ZNF768: variants seen among roughly 807,000 people sequenced by gnomAD.
ZNF768 encodes the protein zinc finger protein 768.
Under a neutral mutation model 39.7 loss-of-function variants are expected in ZNF768, and 12 were observed. The ratio of observed to expected loss-of-function variants is 0.30; its 90% CI spans 0.19 to 0.49. The LOEUF is 0.49. ZNF768 is among the 20% of genes least tolerant of loss of function. The pLI is 0.99. For synonymous variants in ZNF768, 360 were observed against 288.4 expected, an observed-to-expected ratio of 1.25 and a Z score of -2.52; for missense variants, 613 against 723.2, an observed-to-expected ratio of 0.85 and a Z score of 1.75.
Position 30,525,161 on chromosome 16 carries a change from C to T in ZNF768, c.979G>A (p.Ala327Thr). ...YKCPRCGKAF[A>T]DSSYLLRHQR... Reference sequence around the variant, plus strand: ...TGGCGAAGCAGGTAAGAGCTGTCGGCGAAGGCCTTGCCGCAACGGGGACAT... The same window carrying T: ...TGGCGAAGCAGGTAAGAGCTGTCGGTGAAGGCCTTGCCGCAACGGGGACAT... Residue 327 changes from alanine (A) to threonine (T), a missense_variant, in exon 2 of 2, where the codon GCC becomes ACC. Coordinates refer to ENST00000380412, the MANE Select transcript of ZNF768 (RefSeq NM_024671.4). The T allele has an allele frequency of 6.2e-7, 1 of 1,604,286 alleles. No homozygotes were observed. Among genetic ancestry groups the T allele is most frequent in the Non-Finnish European group, 8.5e-7 (1 of 1,176,428 alleles).
rs201049287 is a variant in ZNF768 at position 30,524,882 on chromosome 16, C to T, written c.1258G>A (p.Ala420Thr). The stretch of plus-strand genomic sequence containing the variant: ...GGCTTCTCCCGGGCGTGGCTGCGGG[C>T]ATGGGGGATAAGGGCCGACCGCTGG... ...FSQRSALIPHARSHAREKPFK... is the reference protein window; with the variant it reads ...FSQRSALIPHTRSHAREKPFK... The change falls in exon 2 of 2, where the codon GCC becomes ACC. Residue 420 changes from alanine (A) to threonine (T), a missense_variant. Physicochemically the swap from Ala to Thr is moderately conservative, Grantham distance 58. Transcript: ENST00000380412. 28 of 1,611,790 alleles carry T rather than the reference C, an allele frequency of 1.7e-5. No homozygotes were observed. The highest frequency in any genetic ancestry group is 1.7e-4 in the Middle Eastern group (1 of 6,018).
chr16:30,527,485 C>T (rs1387026013), upstream of ZNF768: 2 of 251,434 alleles, frequency 8.0e-6, no homozygotes, highest in East Asian at 1.8e-4. Context: ...GACGGCTGGG[C>T]GTTAATGGTC....
At chr16:30,532,350 G>T in the ZNF768 span, 5 of 870,176 alleles carry the variant, frequency 5.7e-6, no homozygotes, top group Middle Eastern at 3.4e-4. Flanking sequence ...GGCAGAAGAG[G>T]CTGCTGAGAG....
chr16:30,526,217 C>T, intron 1 of ZNF768, 109 bp downstream of exon 1: 1 of 1,548,962 alleles, frequency 6.5e-7, no homozygotes, highest in South Asian at 1.2e-5. Flanking sequence ...CCGCCGGCCC[C>T]TCCTTCGAGT....
chr16:30,527,078 C>T, upstream of ZNF768: 1 of 985,422 alleles, frequency 1.0e-6, no homozygotes, highest in South Asian at 4.7e-5. Context: ...GGCGAGGCGA[C>T]AAGCGAGACC....
chr16:30,527,479 G>A (rs1444964444), upstream of ZNF768: 3 of 287,216 alleles, frequency 1.0e-5, no homozygotes, highest in Non-Finnish European at 1.6e-5. Context: ...CCCGCGGACG[G>A]CTGGGCGTTA....
At chr16:30,527,806 T>C (rs1265899924), upstream of ZNF768, 5 of 152,254 alleles carry the variant, frequency 3.3e-5, no homozygotes, top group African/African-American at 7.2e-5. Context: ...GTTGTTAGAT[T>C]TCCTCACAGG....
At position 30,525,751 on chromosome 16, in the gene ZNF768, G is replaced by A. The variant is rs1597118464; in HGVS notation, c.389C>T (p.Pro130Leu). The change falls in exon 2 of 2, where the codon CCT becomes CTT. Residue 130 changes from proline (P) to leucine (L), a missense_variant. Coordinates refer to ENST00000380412, the MANE Select transcript of ZNF768 (RefSeq NM_024671.4). ...RYEPQSPGYE[P>L]RSPGYEPRSP... is the part of the protein sequence containing the mutation. ...CCGGGGTTCATACCCGGGGCTCCGA[G>A]GTTCATAGCCAGGGCTTTGGGGTTC... 1 of 1,603,484 alleles carries A rather than the reference G, an allele frequency of 6.2e-7. No individual in the cohort carries two copies. The highest frequency in any genetic ancestry group is 1.1e-5 in the South Asian group (1 of 89,858).
Position 30,524,763 on chromosome 16 carries a change from G to A in ZNF768, c.1377C>T (p.Cys459=). The change falls in exon 2 of 2, where the codon TGC becomes TGT. Residue 459 remains cysteine (C), a synonymous_variant. Coordinates refer to ENST00000380412, the MANE Select transcript of ZNF768 (RefSeq NM_024671.4). ...RTHLPGRTYS[C]PDCGKTFNRS... is the part of the protein sequence containing the mutation. ...GATTGAAGGTCTTGCCGCAGTCGGG[G>A]CAGCTGTAGGTGCGGCCTGGCAGGT... 2 of 1,611,950 alleles carry A rather than the reference G, an allele frequency of 1.2e-6. No individual in the cohort carries two copies. The highest frequency in any genetic ancestry group is 1.3e-5 in the African/African-American group (1 of 74,920).
At chr16:30,532,160 A>G in the ZNF768 span, 2 of 353,604 alleles carry the variant, frequency 5.7e-6, no homozygotes, top group Non-Finnish European at 1.0e-5. Context: ...AAAAATTAAA[A>G]AAGTAAAAAG....
chr16:30,525,441 C>G lies in ZNF768; in HGVS notation c.699G>C (p.Gln233His). Residue 233 changes from glutamine (Q) to histidine (H), a missense_variant, in exon 2 of 2, where the codon CAG becomes CAC. By Grantham distance (24) the Gln-to-His change is conservative. Transcript: ENST00000380412. The stretch of plus-strand genomic sequence containing the variant: ...GGGCTCCTGTGAGACCCAGGGGATT[C>G]TGAAGCATCTCAAACTGCGGTGTAG... ...LLSTPQFEML[Q>H]NPLGLTGALR... 6.2e-7 allele frequency: 1 copy of G among 1,614,134 alleles called. No individual in the cohort carries two copies. The highest frequency in any genetic ancestry group is 8.5e-7 in the Non-Finnish European group (1 of 1,180,038).
chr16:30,524,339 C>T lies in ZNF768; in HGVS notation c.*178G>A. The T allele has an allele frequency of 2.7e-6, 3 of 1,116,174 alleles. No homozygotes were observed. Among genetic ancestry groups the T allele is most frequent in the Non-Finnish European group, 3.7e-6 (3 of 814,818 alleles). 69.1% of individuals were successfully genotyped at this position (1,116,174 alleles called of 1,614,324 possible). On this transcript the variant is annotated 3_prime_UTR_variant, in exon 2 of 2. Transcript: ENST00000380412. ...TCCCGCTGCCGGCCTGGCCTCCCTC[C>T]AACCCACTTCCCACAAGTCTCCAGG...
upstream of ZNF768, chr16:30,527,379 C>T (rs1221345883): frequency 1.1e-6 from 1 of 942,282 alleles, no homozygotes; most frequent in Non-Finnish European, 1.3e-6. Flanking sequence ...ACAGCCCCGC[C>T]CCGGCTCCCA....
At chr16:30,528,628 C>G (rs1463565420), upstream of ZNF768, among the ~76,000 whole-genome samples, 1 of 152,160 alleles carries the variant, frequency 6.6e-6, no homozygotes, top group Non-Finnish European at 1.5e-5. Context: ...AAACTTTCTG[C>G]CCTCCAGAGA....
At chr16:30,527,443 G>A (rs932448257), upstream of ZNF768, 9 of 493,588 alleles carry the variant, frequency 1.8e-5, no homozygotes, top group Non-Finnish European at 2.4e-5. Context: ...TGGGGCTCGT[G>A]CTCTAGCCGC....
upstream of ZNF768, chr16:30,527,479 G>T: frequency 3.5e-6 from 1 of 287,334 alleles, no homozygotes; most frequent in Non-Finnish European, 5.2e-6. Context: ...CCCGCGGACG[G>T]CTGGGCGTTA....
At chr16:30,526,719 C>T, upstream of ZNF768, 2 of 801,834 alleles carry the variant, frequency 2.5e-6, no homozygotes, top group South Asian at 5.5e-5. Context: ...GCCCCCGGCC[C>T]CCGCTCCCGC....
chr16:30,527,103 G>A (rs1597119528), upstream of ZNF768: 1 of 985,376 alleles, frequency 1.0e-6, no homozygotes, highest in South Asian at 4.7e-5. Flanking sequence ...TCAGCGAGAA[G>A]GAGCGACGCT....
rs2051325645 is a variant in ZNF768 at position 30,526,453 on chromosome 16, C to T, written c.-40G>A. ...AGTGCAGCGGCGGCGGCGATGGCGG[C>T]CGATCCCGCGACCCGGCCTCGGTTG... On this transcript the variant is annotated 5_prime_UTR_variant, in exon 1 of 2. Coordinates refer to ENST00000380412, the MANE Select transcript of ZNF768 (RefSeq NM_024671.4). 8.6e-6 allele frequency: 13 copies of T among 1,510,952 alleles called. No homozygotes were observed. Among genetic ancestry groups the T allele is most frequent in the Non-Finnish European group, 1.1e-5 (13 of 1,130,446 alleles). The allele number at this position is 1,510,952 out of a possible 1,614,324, so 93.6% of individuals were successfully genotyped here.
Sources: allele counts gnomAD v4.1 joint callset (sites outside exome capture counted in the v4.1 genomes callset), GRCh38; gene constraint gnomAD v4.1.1; transcripts MANE v1.5; gene names NCBI Gene and HGNC (gene_info 2026-07-23, HGNC 2026-07-21).